TRIML1: variants seen among roughly 807,000 people sequenced by gnomAD.
TRIML1 encodes tripartite motif family like 1.
A neutral mutation model predicts 32.3 loss-of-function variants in TRIML1; 34 were observed. That is an observed-to-expected ratio of 1.05 (90% CI 0.80 to 1.40). The LOEUF (loss-of-function observed/expected upper bound fraction) is 1.40. Among genes scored for constraint, TRIML1 ranks in the 40% most tolerant of loss-of-function variants. The pLI is 0.00. For missense variants in TRIML1, 595 were observed against 574.9 expected, an observed-to-expected ratio of 1.03 and a Z score of -0.36; for synonymous variants, 244 against 226.6, an observed-to-expected ratio of 1.08 and a Z score of -0.69.
intron 3 of TRIML1, among the ~76,000 whole-genome samples, 195 bp downstream of exon 3, chr4:188,142,677 C>G (rs1734909447): frequency 6.6e-6 from 1 of 151,040 alleles, no homozygotes. Flanking sequence ...AAAAACACAT[C>G]CAGAGGAATA....
intron 3 of TRIML1, among the ~76,000 whole-genome samples, chr4:188,142,729 T>A (rs1270589202): frequency 6.6e-6 from 1 of 150,594 alleles, no homozygotes; most frequent in Non-Finnish European, 1.5e-5. Context: ...ATTTCTTCTG[T>A]ACCTGCCTCT....
In TRIML1 at chr4:188,147,200, A is replaced by G. The variant is rs1735118900; in HGVS notation, c.1235A>G (p.Asp412Gly). ...GTGTGTAAGGTTGGTGTCTTCCTGG[A>G]CTATGAATCTGGACATATAGCATTC... ...EPVCKVGVFL[D>G]YESGHIAFYN... Residue 412 changes from aspartate to glycine, a missense_variant, in exon 6 of 6, where the codon GAC (aspartate) becomes GGC (glycine). By Grantham distance (94) the Asp-to-Gly change is moderately conservative (BLOSUM62 -1). Coordinates refer to ENST00000332517, the MANE Select transcript of TRIML1 (RefSeq NM_178556.5). The G allele has an allele frequency of 6.2e-7, 1 of 1,613,916 alleles. No individual in the cohort carries two copies.
chr4:188,150,442 C>T (rs934253608), downstream of TRIML1, among the ~76,000 whole-genome samples: 7 of 152,176 alleles, frequency 4.6e-5, no homozygotes, highest in African/African-American at 1.7e-4. Context: ...ACTTATTAGA[C>T]AGATTTTATA....
chr4:188,142,543 C>A lies in TRIML1; in HGVS notation c.735+61C>A. On this transcript the variant is annotated intron_variant, in intron 3 of 5. Transcript: ENST00000332517. ...TATAGTAACTCATAGTACTTCAAGC[C>A]ATAGGAAATAATGTTTTCTTTATTC... 4 of 1,289,778 alleles carry A rather than the reference C, an allele frequency of 3.1e-6. No individual in the cohort carries two copies. In the South Asian group the frequency reaches 5.3e-5, roughly 17 times the overall value. 79.9% of individuals were successfully genotyped at this position (1,289,778 alleles called of 1,614,324 possible).
At chr4:188,143,905 G>A in intron 4 of TRIML1, 45 bp downstream of exon 4, 3 of 1,613,548 alleles carry the variant, frequency 1.9e-6, no homozygotes, top group Non-Finnish European at 2.5e-6. Flanking sequence ...GCGGGGCAGT[G>A]GTGCTGATGG....
intron 5 of TRIML1, among the ~76,000 whole-genome samples, chr4:188,144,431 C>T (rs575761579): frequency 4.0e-5 from 6 of 149,718 alleles, no homozygotes; most frequent in Non-Finnish European, 5.9e-5. Context: ...GGCGCGATCT[C>T]GGCTCACTGC....
In TRIML1 at chr4:188,142,422, A is replaced by C. The variant is rs773503581; in HGVS notation, c.675A>C (p.Leu225=). The part of the protein sequence containing the change: ...EIKLTQQIRS[L]SKMIAQIESS... Reference sequence around the variant, plus strand: ...AACTGACCCAGCAAATCAGAAGCCTAAGCAAAATGATCGCACAGATTGAGT... The same window carrying C: ...AACTGACCCAGCAAATCAGAAGCCTCAGCAAAATGATCGCACAGATTGAGT... The change falls in exon 3 of 6, where the codon CTA becomes CTC. Residue 225 remains leucine, a synonymous_variant. Transcript: ENST00000332517. The C allele has an allele frequency of 5.6e-5, 91 of 1,613,842 alleles. No homozygotes were observed. Among genetic ancestry groups the C allele is most frequent in the Non-Finnish European group, 7.5e-5 (89 of 1,180,010 alleles).
chr4:188,140,104 C>T, intron 1 of TRIML1, 138 bp downstream of exon 1: 1 of 868,198 alleles, frequency 1.2e-6, no homozygotes, highest in Non-Finnish European at 1.7e-6. Flanking sequence ...GGCGTGGGTC[C>T]AGTTTACACC....
At chr4:188,139,370 CA>C (rs1560968834), upstream of TRIML1, 2 of 540,822 alleles carry the variant, frequency 3.7e-6, no homozygotes, top group African/African-American at 3.8e-5. Context: ...CACATTAAGT[CA>C]TAATTGGCTT....
upstream of TRIML1, chr4:188,139,394 T>G: frequency 3.0e-6 from 2 of 665,584 alleles, no homozygotes; most frequent in South Asian, 2.2e-5. Context: ...TGTTGGACAG[T>G]GTATGTCAGC....
rs750374283 is a variant in TRIML1 at position 188,142,237 on chromosome 4, T to C, written c.505-15T>C. ...GTGTGTGTGTGTGTGTGTGTGTGTG[T>C]GTGTGTTTTGGCAGGAAGAAACAAA... is the stretch of plus-strand genomic sequence containing the variant. On this transcript the variant is annotated splice_polypyrimidine_tract_variant and intron_variant, in intron 2 of 5. Coordinates refer to ENST00000332517, the MANE Select transcript of TRIML1 (RefSeq NM_178556.5). 1 of 1,466,600 alleles carries C rather than the reference T, an allele frequency of 6.8e-7. No individual in the cohort carries two copies. Among genetic ancestry groups the C allele is most frequent in the South Asian group, 1.1e-5 (1 of 87,284 alleles). The allele number at this position is 1,466,600 out of a possible 1,614,324, so 90.8% of individuals were successfully genotyped here. A position where few individuals can be genotyped will look rare whatever the true frequency, so the allele number is the denominator to read the frequency against.
At chr4:188,145,685 G>T (rs6810416) in intron 5 of TRIML1, among the ~76,000 whole-genome samples, 5 of 151,636 alleles carry the variant, frequency 3.3e-5, no homozygotes, top group Non-Finnish European at 1.5e-5. Context: ...CTAGCCGGGC[G>T]TGGTGGTGGA....
In TRIML1 at chr4:188,146,859, TC is replaced by T; in HGVS notation, c.895del (p.Leu299SerfsTer7). On this transcript the variant is annotated frameshift_variant, in exon 6 of 6. Transcript: ENST00000332517. LOFTEE classifies it low-confidence loss of function (END_TRUNC). ...TGGACCCAGCCACAGCTAATGCCTA[TC>T]TCGTGTTGTCGGAGGATCTGAAGAG... Reference protein sequence around the residue: ...TLDPATANAYLVLSEDLKSVK... With the variant: ...TLDPATANAYXVLSEDLKSVK... 6.9e-7 allele frequency: 1 copy of T among 1,443,298 alleles called. No individual in the cohort carries two copies. Among genetic ancestry groups the T allele is most frequent in the Admixed American group, 2.6e-5 (1 of 38,728 alleles). The allele number at this position is 1,443,298 out of a possible 1,614,324, so 89.4% of individuals were successfully genotyped here. A position where few individuals can be genotyped will look rare whatever the true frequency, so the allele number is the denominator to read the frequency against.
chr4:188,138,422 C>T (rs1399759174), upstream of TRIML1, among the ~76,000 whole-genome samples: 2 of 151,966 alleles, frequency 1.3e-5, no homozygotes, highest in African/African-American at 2.4e-5. Flanking sequence ...GTGATGAGTT[C>T]GTGGGAAGGT....
At chr4:188,141,385 C>T (rs919339372) in intron 2 of TRIML1, among the ~76,000 whole-genome samples, 3 of 151,800 alleles carry the variant, frequency 2.0e-5, no homozygotes, top group African/African-American at 7.3e-5. Flanking sequence ...AGGCTGATCT[C>T]GAACTCCCGA....
At chr4:188,149,757 GTCCTCCTTAGACTA>G (rs1376324733), downstream of TRIML1, among the ~76,000 whole-genome samples, 9 of 152,156 alleles carry the variant, frequency 5.9e-5, no homozygotes, top group Admixed American at 3.9e-4. Context: ...AGCCCAGCAC[GTCCTCCTTAGACTA>G]TCTGTGGCCC....
upstream of TRIML1, among the ~76,000 whole-genome samples, chr4:188,137,878 G>A (rs1734708928): frequency 1.3e-5 from 2 of 150,674 alleles, no homozygotes; most frequent in Admixed American, 1.3e-4. Context: ...CTCCCAAACT[G>A]CTGGGATTAC....
chr4:188,146,389 C>T (rs189849134), intron 5 of TRIML1, among the ~76,000 whole-genome samples: 1 of 152,262 alleles, frequency 6.6e-6, no homozygotes, highest in Admixed American at 6.5e-5. Flanking sequence ...CAAAGAAGAG[C>T]TCAGAAATTT....
In TRIML1 at chr4:188,140,557, GC is replaced by G. The variant is rs1560970094; in HGVS notation, c.439del (p.Arg147ValfsTer2). The G allele has an allele frequency of 6.2e-7, 1 of 1,614,088 alleles. No individual in the cohort carries two copies. The highest frequency in any genetic ancestry group is 8.5e-7 in the Non-Finnish European group (1 of 1,179,960). Reference sequence around the variant, plus strand: ...AACTCCAGGAAATCCTGAATCTTTTGCGTGTAAGGAGAAAGGAAGCTCAGGC... The same window carrying G: ...AACTCCAGGAAATCCTGAATCTTTTGGTGTAAGGAGAAAGGAAGCTCAGGC... The part of the protein sequence containing the change: ...EKLQEILNLL[R>X]VRRKEAQAVL... On this transcript the variant is annotated frameshift_variant, in exon 2 of 6. Coordinates refer to ENST00000332517, the MANE Select transcript of TRIML1 (RefSeq NM_178556.5). LOFTEE classifies it high-confidence loss of function.
Sources: gnomAD v4.1 joint callset for allele counts (sites outside exome capture counted in the v4.1 genomes callset) on GRCh38, gnomAD v4.1.1 for gene constraint, MANE v1.5 for transcripts, NCBI Gene and HGNC (gene_info 2026-07-23, HGNC 2026-07-21) for gene names.